The following B4GALT5 variants were observed in gnomAD, a reference collection of about 807,000 sequenced individuals.
The protein encoded by B4GALT5 is beta-1,4-galactosyltransferase 5, also known as UDP-Gal:beta-GlcNAc beta-1,4-galactosyltransferase 5.
B4GALT5 carries 11 observed loss-of-function variants against 45.0 expected under a neutral mutation model. The observed-to-expected ratio is 0.24, with a 90% confidence interval of 0.15 to 0.40. The LOEUF (loss-of-function observed/expected upper bound fraction) is 0.40. Among genes scored for constraint, B4GALT5 ranks in the 10% least tolerant of loss-of-function variants. B4GALT5 has a pLI of 1.00. For synonymous variants in B4GALT5, 185 were observed against 182.9 expected (o/e 1.01, Z -0.09); for missense variants, 337 against 500.2 (o/e 0.67, Z 3.11).
intron 1 of B4GALT5, among the ~76,000 whole-genome samples, chr20:49,681,477 T>C (rs1289933056): frequency 4.6e-5 from 7 of 152,094 alleles, no homozygotes; most frequent in African/African-American, 1.7e-4. Flanking sequence ...GGTGATCTCA[T>C]CCAGTCTCAT....
chr20:49,679,917 C>A (rs2085757207), intron 1 of B4GALT5, among the ~76,000 whole-genome samples: 2 of 152,086 alleles, frequency 1.3e-5, no homozygotes, highest in Non-Finnish European at 2.9e-5. Context: ...CAGGACTTGG[C>A]CCCTAAGCTC....
chr20:49,687,816 G>A (rs1451933198), intron 1 of B4GALT5, among the ~76,000 whole-genome samples: 2 of 151,920 alleles, frequency 1.3e-5, no homozygotes, highest in East Asian at 3.9e-4. Context: ...TTCTGGCTAT[G>A]ACTGAGAGCC....
rs150642989 is a variant in B4GALT5, at chr20:49,638,142, C to T, written c.918-700G>A. Among the ~76,000 whole-genome samples, 412 of 152,008 alleles carry T rather than the reference C, an allele frequency of 2.7e-3. 3 individuals carry two copies. The highest frequency in any genetic ancestry group is 9.4e-3 in the African/African-American group (390 of 41,440). On this transcript the variant is annotated intron_variant, in intron 7 of 8. Coordinates refer to ENST00000371711, the MANE Select transcript of B4GALT5 (RefSeq NM_004776.4). Reference sequence around the variant, plus strand: ...CAATTAGTCCTCCCATCTCAGCCTCCTGAGTAGCTGGGACTACAGGCGTGT... The same window carrying T: ...CAATTAGTCCTCCCATCTCAGCCTCTTGAGTAGCTGGGACTACAGGCGTGT...
rs369508203 is a variant in B4GALT5, at chr20:49,639,787, C to T, written c.808G>A (p.Glu270Lys). The T allele has an allele frequency of 9.3e-6, 15 of 1,613,068 alleles. No individual in the cohort carries two copies. Among genetic ancestry groups the T allele is most frequent in the East Asian group, 2.2e-5 (1 of 44,800 alleles). ...DKYMYLLPYT[E>K]FFGGVSGLTV... Reference sequence around the variant, plus strand: ...AAGCCACTCACTCCGCCAAAGAACTCGGTATAAGGAAGCCTAGGAGGAGAT... The same window carrying T: ...AAGCCACTCACTCCGCCAAAGAACTTGGTATAAGGAAGCCTAGGAGGAGAT... The change falls in exon 7 of 9, where the codon GAG (glutamate) becomes AAG (lysine). Residue 270 changes from glutamate (E) to lysine (K), a missense_variant. Physicochemically the swap from Glu to Lys is moderately conservative, Grantham distance 56. Coordinates refer to ENST00000371711, the MANE Select transcript of B4GALT5 (RefSeq NM_004776.4).
chr20:49,650,348 T>A (rs1244249263), intron 2 of B4GALT5, among the ~76,000 whole-genome samples: 1 of 149,858 alleles, frequency 6.7e-6, no homozygotes, highest in Non-Finnish European at 1.5e-5. Context: ...AATTTTTAAA[T>A]AAAACTTTAA....
intron 2 of B4GALT5, among the ~76,000 whole-genome samples, chr20:49,648,452 A>G (rs1431941045): frequency 6.6e-6 from 1 of 152,032 alleles, no homozygotes; most frequent in Non-Finnish European, 1.5e-5. Flanking sequence ...CCTTTATTTT[A>G]GTTGCCACCT....
chr20:49,637,263 G>C (rs1167172377), intron 8 of B4GALT5, 78 bp downstream of exon 8: 2 of 1,284,600 alleles, frequency 1.6e-6, no homozygotes, highest in Non-Finnish European at 2.3e-6. Flanking sequence ...TAGGAGAAGG[G>C]GCTGTAATAT....
chr20:49,663,189 T>C (rs572264796), intron 1 of B4GALT5, among the ~76,000 whole-genome samples: 111 of 152,324 alleles, frequency 7.3e-4, no homozygotes, highest in African/African-American at 2.5e-3. Flanking sequence ...GTCAGGAGAA[T>C]GGCTACCCTG....
chr20:49,636,783 T>C (rs535901541), intron 8 of B4GALT5, among the ~76,000 whole-genome samples: 19 of 152,050 alleles, frequency 1.2e-4, no homozygotes, highest in Non-Finnish European at 2.8e-4. Context: ...AGGTAAAGCA[T>C]TAAAAATACA....
At chr20:49,679,057 A>G (rs928308041) in intron 1 of B4GALT5, among the ~76,000 whole-genome samples, 2 of 152,220 alleles carry the variant, frequency 1.3e-5, no homozygotes, top group Non-Finnish European at 2.9e-5. Context: ...CCACAATACA[A>G]AAGGAGAGAA....
At chr20:49,706,364 T>C (rs2146362684) in intron 1 of B4GALT5, among the ~76,000 whole-genome samples, 1 of 152,270 alleles carries the variant, frequency 6.6e-6, no homozygotes. Flanking sequence ...TGAACCCAGA[T>C]CTCTTTTCAA....
chr20:49,639,667 G>C lies in B4GALT5; in HGVS notation c.917+11C>G. On this transcript the variant is annotated intron_variant, in intron 7 of 8. Coordinates refer to ENST00000371711, the MANE Select transcript of B4GALT5 (RefSeq NM_004776.4). The stretch of plus-strand genomic sequence containing the variant: ...CATTTCTAGAAGACACCGAAAGAAC[G>C]GCAGAGGTACCTGTTCCAGAGGTCG... 6.2e-7 allele frequency: 1 copy of C among 1,612,740 alleles called. No individual in the cohort carries two copies. The highest frequency in any genetic ancestry group is 8.5e-7 in the Non-Finnish European group (1 of 1,179,056).
At chr20:49,700,098 C>T (rs2146359201) in intron 1 of B4GALT5, among the ~76,000 whole-genome samples, 1 of 152,228 alleles carries the variant, frequency 6.6e-6, no homozygotes, top group South Asian at 2.1e-4. Context: ...CCTAAAATTT[C>T]TCCCCCTTTA....
At chr20:49,683,927 G>A (rs1436818712) in intron 1 of B4GALT5, among the ~76,000 whole-genome samples, 2 of 150,372 alleles carry the variant, frequency 1.3e-5, no homozygotes, top group East Asian at 4.1e-4. Flanking sequence ...GATCACTTGA[G>A]GTCAGAAGTT....
At chr20:49,638,613 A>G (rs1193524659) in intron 7 of B4GALT5, among the ~76,000 whole-genome samples, 1 of 152,226 alleles carries the variant, frequency 6.6e-6, no homozygotes, top group Non-Finnish European at 1.5e-5. Flanking sequence ...GGCATTTAGT[A>G]CAGAGAACAC....
At position 49,650,833 on chromosome 20, in the gene B4GALT5, C is replaced by T. The variant is rs57986261; in HGVS notation, c.251-3755G>A. The stretch of plus-strand genomic sequence containing the variant: ...TATCCCCTTGGAGTTCCAAATATAA[C>T]TTCTTACTCTTCTAAAGCATGTACC... On this transcript the variant is annotated intron_variant, in intron 2 of 8. Coordinates refer to ENST00000371711, the MANE Select transcript of B4GALT5 (RefSeq NM_004776.4). 1.1e-3 allele frequency among the ~76,000 whole-genome samples: 173 copies of T among 152,310 alleles called. 2 individuals are homozygous for T. The East Asian group carries it at 0.019, about 17-fold the overall frequency.
At chr20:49,690,873 A>G (rs932291329) in intron 1 of B4GALT5, among the ~76,000 whole-genome samples, 1 of 152,210 alleles carries the variant, frequency 6.6e-6, no homozygotes, top group African/African-American at 2.4e-5. Context: ...TCTATAATTT[A>G]TATTCCTTGA....
chr20:49,713,496 C>A, intron 1 of B4GALT5, 80 bp downstream of exon 1: 1 of 1,428,440 alleles, frequency 7.0e-7, no homozygotes, highest in African/African-American at 1.5e-5. Context: ...CCGGCCGGGG[C>A]CCCTTAGGGA....
intron 1 of B4GALT5, among the ~76,000 whole-genome samples, chr20:49,710,012 T>G: frequency 6.6e-6 from 1 of 152,238 alleles, no homozygotes; most frequent in East Asian, 1.9e-4. Flanking sequence ...TAAGTGGCAT[T>G]AGAGCTCAAA....
Sources: allele counts gnomAD v4.1 joint callset (sites outside exome capture counted in the v4.1 genomes callset), GRCh38; gene constraint gnomAD v4.1.1; transcripts MANE v1.5; gene names NCBI Gene and HGNC (gene_info 2026-07-23, HGNC 2026-07-21).